The following MAGI2 variants were observed in gnomAD, a reference collection of about 807,000 sequenced individuals.
MAGI2 encodes membrane-associated guanylate kinase, WW and PDZ domain-containing protein 2.
MAGI2 carries 35 observed loss-of-function variants against 133.3 expected under a neutral mutation model. That is an observed-to-expected ratio of 0.26 (90% CI 0.20 to 0.35). The LOEUF is 0.35. Among genes scored for constraint, MAGI2 ranks in the 10% least tolerant of loss-of-function variants. The probability of loss-of-function intolerance (pLI) is 1.00; values close to 1 mark genes in which losing one functional copy is unlikely to be tolerated. For missense variants in MAGI2, 1,636 were observed against 1,863.4 expected, an observed-to-expected ratio of 0.88 and a Z score of 2.25; for synonymous variants, 729 against 710.6, an observed-to-expected ratio of 1.03 and a Z score of -0.41.
intron 2 of MAGI2, among the ~76,000 whole-genome samples, chr7:78,668,727 G>C (rs1026725326): frequency 3.3e-5 from 5 of 151,940 alleles, no homozygotes; most frequent in South Asian, 4.2e-4. Context: ...CTGTCTCTCA[G>C]ACCACAGTGC....
intron 21 of MAGI2, among the ~76,000 whole-genome samples, chr7:78,036,913 C>T (rs1203813144): frequency 2.6e-5 from 4 of 152,134 alleles, no homozygotes; most frequent in African/African-American, 7.2e-5. Context: ...CATGCTTGGC[C>T]TCTTTAGGTA....
chr7:78,461,393 CGTGTGTGTGTGT>C (rs10654835), intron 6 of MAGI2, among the ~76,000 whole-genome samples: 5 of 138,006 alleles, frequency 3.6e-5, no homozygotes, highest in African/African-American at 5.2e-5. Flanking sequence ...CGTGTGTGTG[CGTGTGTGTGTGT>C]GTGTGTGTGT....
At chr7:78,648,268 T>C (rs1811115134) in intron 2 of MAGI2, among the ~76,000 whole-genome samples, 1 of 152,202 alleles carries the variant, frequency 6.6e-6, no homozygotes, top group South Asian at 2.1e-4. Context: ...CATAGAAGGA[T>C]GTTCACTGGC....
At chr7:78,428,698 T>G (rs562936682) in intron 6 of MAGI2, among the ~76,000 whole-genome samples, 1 of 152,306 alleles carries the variant, frequency 6.6e-6, no homozygotes, top group East Asian at 1.9e-4. Context: ...AAAGCCTGAC[T>G]TGGCCTCTCA....
chr7:78,787,434 G>A (rs1254185053), intron 2 of MAGI2, among the ~76,000 whole-genome samples: 1 of 152,142 alleles, frequency 6.6e-6, no homozygotes, highest in African/African-American at 2.4e-5. Context: ...AGAAAATAGA[G>A]TCACAAGAGC....
chr7:78,352,190 TA>T (rs1584969796), intron 7 of MAGI2, among the ~76,000 whole-genome samples: 1 of 152,084 alleles, frequency 6.6e-6, no homozygotes, highest in South Asian at 2.1e-4. Flanking sequence ...CTATGGTTGA[TA>T]GGGGAGGGAC....
At chr7:78,059,716 A>T (rs1011770174) in intron 21 of MAGI2, among the ~76,000 whole-genome samples, 2 of 151,790 alleles carry the variant, frequency 1.3e-5, no homozygotes, top group African/African-American at 4.8e-5. Flanking sequence ...AAGAATTTTC[A>T]GCTCTTTAGT....
At chr7:78,041,920 T>C (rs1810888589) in intron 21 of MAGI2, among the ~76,000 whole-genome samples, 1 of 152,052 alleles carries the variant, frequency 6.6e-6, no homozygotes, top group Admixed American at 6.5e-5. Context: ...ATGGAGGAAA[T>C]GAGCAGCTGG....
intron 1 of MAGI2, among the ~76,000 whole-genome samples, chr7:79,256,703 C>T (rs1037022771): frequency 1.3e-5 from 2 of 151,886 alleles, no homozygotes; most frequent in Non-Finnish European, 2.9e-5. Flanking sequence ...CTGCCTAAGG[C>T]TAGTCTCAAA....
chr7:79,053,771 T>C (rs1812893810), intron 1 of MAGI2, among the ~76,000 whole-genome samples: 1 of 152,168 alleles, frequency 6.6e-6, no homozygotes, highest in Admixed American at 6.5e-5. Flanking sequence ...CAAAATTATA[T>C]TTATGGTCAT....
At chr7:79,079,570 T>A (rs1375538089) in intron 1 of MAGI2, among the ~76,000 whole-genome samples, 1 of 152,162 alleles carries the variant, frequency 6.6e-6, no homozygotes, top group Non-Finnish European at 1.5e-5. Flanking sequence ...AGTTAGTGCC[T>A]TAAGTAGCTA....
chr7:78,071,415 T>C (rs182082410), intron 21 of MAGI2, among the ~76,000 whole-genome samples: 53 of 152,264 alleles, frequency 3.5e-4, no homozygotes, highest in African/African-American at 1.3e-3. Flanking sequence ...TGCATACCTG[T>C]AGTCCCAGCT....
rs549509925 is a variant in MAGI2 at position 78,770,372 on chromosome 7, G to A, written c.419-143133C>T. ...ATACCTGGTGTGTGTCTTTGTTGAT[G>A]GGGTGCCATTTCAAACTTATTATAT... On this transcript the variant is annotated intron_variant, in intron 2 of 21. Coordinates refer to ENST00000354212, the MANE Select transcript of MAGI2 (RefSeq NM_012301.4). Among the ~76,000 whole-genome samples the A allele has an allele frequency of 8.5e-5, 13 of 152,294 alleles. No homozygotes were observed. In the South Asian group the frequency reaches 2.7e-3, roughly 32 times the overall value.
In MAGI2 at chr7:78,465,876, T is replaced by C. The variant is rs898524000; in HGVS notation, c.1045+23885A>G. On this transcript the variant is annotated intron_variant, in intron 6 of 21. Transcript: ENST00000354212. ...TCCTGAGTAGACTATTGCCATCATTTCTCTGCTTTAACTTAGTCTATGCAC... is the reference window on the plus strand; with the variant it reads ...TCCTGAGTAGACTATTGCCATCATTCCTCTGCTTTAACTTAGTCTATGCAC... 3.3e-5 allele frequency among the ~76,000 whole-genome samples: 5 copies of C among 152,292 alleles called. No homozygotes were observed. The East Asian group carries it at 9.7e-4, about 30-fold the overall frequency.
intron 1 of MAGI2, among the ~76,000 whole-genome samples, chr7:79,104,644 C>A (rs1222245578): frequency 2.6e-5 from 4 of 151,708 alleles, no homozygotes; most frequent in African/African-American, 7.3e-5. Flanking sequence ...TTTAGCCTGG[C>A]AACAGAGCGA....
rs1036028908 is a variant in MAGI2 at position 78,325,475 on chromosome 7, T to A, written c.1408+18303A>T. ...GCTCCTCCTTCTACTATCATAGTCT[T>A]CCCTAGTTGCTCCAGCTTGAAACTC... On this transcript the variant is annotated intron_variant, in intron 9 of 21. Transcript: ENST00000354212. 1.1e-4 allele frequency among the ~76,000 whole-genome samples: 16 copies of A among 152,200 alleles called. No individual in the cohort carries two copies. The South Asian group carries it at 3.3e-3, about 31-fold the overall frequency.
intron 2 of MAGI2, among the ~76,000 whole-genome samples, chr7:78,937,951 T>C (rs1563684449): frequency 6.6e-6 from 1 of 152,304 alleles, no homozygotes; most frequent in East Asian, 1.9e-4. Flanking sequence ...ATATTTATTA[T>C]GTTGCAGAGT....
chr7:79,372,184 G>T (rs1843090995), intron 1 of MAGI2, among the ~76,000 whole-genome samples: 1 of 152,060 alleles, frequency 6.6e-6, no homozygotes, highest in African/African-American at 2.4e-5. Context: ...TTCCGGGGCA[G>T]GGCCAAAGCC....
intron 5 of MAGI2, among the ~76,000 whole-genome samples, chr7:78,497,061 C>T (rs2192650): frequency 0.21 from 31,191 of 152,032 alleles, 5,122 homozygotes; most frequent in African/African-American, 0.46. Context: ...CGCGAATACA[C>T]CCTTAAAAAG....
Sources: allele counts gnomAD v4.1 joint callset (sites outside exome capture counted in the v4.1 genomes callset), GRCh38; gene constraint gnomAD v4.1.1; transcripts MANE v1.5; gene names NCBI Gene and HGNC (gene_info 2026-07-23, HGNC 2026-07-21).